The following CADM2 variants were observed in gnomAD, a reference collection of about 807,000 sequenced individuals.
CADM2 encodes immunoglobulin superfamily member 4D.
Under a neutral mutation model 49.8 loss-of-function variants are expected in CADM2, and 12 were observed. That is an observed-to-expected ratio of 0.24 (90% CI 0.15 to 0.39). CADM2 has a LOEUF of 0.39. Among genes scored for constraint, CADM2 ranks in the 10% least tolerant of loss-of-function variants. CADM2 has a pLI of 1.00. For synonymous variants in CADM2, 214 were observed against 175.4 expected (o/e 1.22, Z -1.74); for missense variants, 378 against 492.3 (o/e 0.77, Z 2.20).
At chr3:85,423,286 G>T (rs1323136500) in intron 1 of CADM2, among the ~76,000 whole-genome samples, 2 of 152,038 alleles carry the variant, frequency 1.3e-5, no homozygotes, top group East Asian at 3.9e-4. Context: ...CACATTATGG[G>T]CAGGGGAGGG....
At chr3:85,774,035 T>G (rs1320206262) in intron 2 of CADM2, among the ~76,000 whole-genome samples, 7 of 152,006 alleles carry the variant, frequency 4.6e-5, no homozygotes, top group African/African-American at 1.4e-4. Context: ...TTCATTAACC[T>G]TGGCACGTAG....
intron 6 of CADM2, among the ~76,000 whole-genome samples, chr3:85,921,744 A>G (rs977655076): frequency 1.3e-5 from 2 of 151,278 alleles, no homozygotes; most frequent in Non-Finnish European, 2.9e-5. Flanking sequence ...AATGTCATGT[A>G]TCTACTGTTA....
chr3:85,120,348 A>G (rs904660226), intron 1 of CADM2, among the ~76,000 whole-genome samples: 2 of 152,198 alleles, frequency 1.3e-5, no homozygotes, highest in African/African-American at 2.4e-5. Flanking sequence ...TACCCAAAGG[A>G]TTATAAATCA....
At chr3:85,700,508 C>T (rs1231868518) in intron 1 of CADM2, among the ~76,000 whole-genome samples, 1 of 152,126 alleles carries the variant, frequency 6.6e-6, no homozygotes, top group Non-Finnish European at 1.5e-5. Context: ...TATATAAGTT[C>T]TAGTTTTACT....
chr3:84,973,369 A>G (rs1267906217), intron 1 of CADM2, among the ~76,000 whole-genome samples: 1 of 152,124 alleles, frequency 6.6e-6, no homozygotes. Flanking sequence ...TTTTAAATTT[A>G]AGGTTAAAGA....
chr3:85,471,399 C>G (rs2038757458), intron 1 of CADM2, among the ~76,000 whole-genome samples: 1 of 152,090 alleles, frequency 6.6e-6, no homozygotes, highest in South Asian at 2.1e-4. Context: ...AACTTAATAA[C>G]AACTAACTTC....
rs1017476953 is a variant in CADM2, at chr3:85,489,035, G to T, written c.62-237487G>T. Among the ~76,000 whole-genome samples the T allele has an allele frequency of 7.2e-5, 11 of 151,996 alleles. No individual in the cohort carries two copies. The Admixed American group carries it at 7.2e-4, about 10-fold the overall frequency. ...TATATTTTCCTGGGTAATATCTTAA[G>T]AATCTTGTGCAATTCCTACCCAAGT... On this transcript the variant is annotated intron_variant, in intron 1 of 9. Coordinates refer to ENST00000383699, the MANE Select transcript of CADM2 (RefSeq NM_001167675.2).
At chr3:85,437,274 C>T (rs1383504310) in intron 1 of CADM2, among the ~76,000 whole-genome samples, 2 of 152,100 alleles carry the variant, frequency 1.3e-5, no homozygotes, top group African/African-American at 4.8e-5. Flanking sequence ...ATCTTAATCG[C>T]TTCTAAGTTT....
intron 1 of CADM2, among the ~76,000 whole-genome samples, chr3:85,545,014 A>G (rs1559900313): frequency 6.6e-6 from 1 of 152,064 alleles, no homozygotes; most frequent in East Asian, 1.9e-4. Flanking sequence ...GTCAAAACCT[A>G]TACACTGGCT....
At chr3:85,523,229 A>G (rs1205782723) in intron 1 of CADM2, among the ~76,000 whole-genome samples, 1 of 152,096 alleles carries the variant, frequency 6.6e-6, no homozygotes, top group Non-Finnish European at 1.5e-5. Flanking sequence ...TGAGTTAATA[A>G]GTGGCAAAAC....
chr3:85,112,063 A>G (rs1318060051), intron 1 of CADM2, among the ~76,000 whole-genome samples: 4 of 151,936 alleles, frequency 2.6e-5, no homozygotes, highest in Non-Finnish European at 5.9e-5. Context: ...ATGTTTACCA[A>G]CTTATAAAGC....
intron 2 of CADM2, among the ~76,000 whole-genome samples, chr3:85,801,103 A>G (rs540847947): frequency 3.7e-4 from 57 of 152,318 alleles, no homozygotes; most frequent in African/African-American, 1.3e-3. Context: ...CATGTTAATC[A>G]TGGTTATCAG....
chr3:85,735,725 G>C (rs930846687), intron 2 of CADM2, among the ~76,000 whole-genome samples: 1 of 152,074 alleles, frequency 6.6e-6, no homozygotes, highest in African/African-American at 2.4e-5. Flanking sequence ...ATAGAGAATG[G>C]AGTGTAGATG....
intron 1 of CADM2, among the ~76,000 whole-genome samples, chr3:85,037,304 C>T (rs74928832): frequency 0.066 from 9,991 of 152,258 alleles, 561 homozygotes; most frequent in Admixed American, 0.18. Flanking sequence ...CCTGCTAGTG[C>T]TTCTCATATT....
At chr3:85,189,888 A>T (rs954919313) in intron 1 of CADM2, among the ~76,000 whole-genome samples, 7 of 139,972 alleles carry the variant, frequency 5.0e-5, no homozygotes, top group Admixed American at 1.4e-4. Flanking sequence ...TATTATCAGT[A>T]TCAGTTCCTT....
chr3:84,979,527 A>G (rs1389300465), intron 1 of CADM2, among the ~76,000 whole-genome samples: 2 of 152,298 alleles, frequency 1.3e-5, no homozygotes, highest in East Asian at 3.9e-4. Context: ...GTATCTTTGA[A>G]GAAATACTCA....
chr3:85,693,566 C>CAAAAAAAAAAAAAAAA (rs562723713), intron 1 of CADM2, among the ~76,000 whole-genome samples: 3 of 76,120 alleles, frequency 3.9e-5, no homozygotes, highest in African/African-American at 5.5e-5. Context: ...GGCGAAAGAG[C>CAAAAAAAAAAAAAAAA]AAAAAAAAAA....
intron 1 of CADM2, among the ~76,000 whole-genome samples, chr3:85,455,444 G>C (rs1162463976): frequency 1.3e-5 from 2 of 152,138 alleles, no homozygotes; most frequent in African/African-American, 2.4e-5. Context: ...CAAAGAAAGT[G>C]CTGTCACAGT....
At chr3:85,203,540 A>C (rs1391478095) in intron 1 of CADM2, among the ~76,000 whole-genome samples, 2 of 152,220 alleles carry the variant, frequency 1.3e-5, no homozygotes, top group Non-Finnish European at 2.9e-5. Flanking sequence ...TATTATCATC[A>C]AAGATATAAC....
Sources: allele counts gnomAD v4.1 joint callset (sites outside exome capture counted in the v4.1 genomes callset), GRCh38; gene constraint gnomAD v4.1.1; transcripts MANE v1.5; gene names NCBI Gene and HGNC (gene_info 2026-07-23, HGNC 2026-07-21).